Variants in TRIM38 observed in about 807,000 individuals in gnomAD.
TRIM38 encodes the protein tripartite motif containing 38.
TRIM38 carries 35 observed loss-of-function variants against 35.8 expected under a neutral mutation model. The observed-to-expected ratio is 0.98, with a 90% CI of 0.75 to 1.30. The LOEUF (loss-of-function observed/expected upper bound fraction) is 1.30, where lower values mean the gene tolerates loss of function less well. TRIM38 is among the 50% of genes most tolerant of loss of function. TRIM38 has a pLI of 0.00. For missense variants in TRIM38, 545 were observed against 556.9 expected (o/e 0.98, Z 0.21); for synonymous variants, 198 against 204.7 (o/e 0.97, Z 0.28).
chr6:25,973,517 G>A (rs1760303415), intron 7 of TRIM38: 1 of 983,774 alleles, frequency 1.0e-6, no homozygotes, highest in Non-Finnish European at 1.2e-6. Context: ...TCACTTATTA[G>A]CCATGTTACT....
In TRIM38 at chr6:25,966,874, G is replaced by A. The variant is rs1760074337; in HGVS notation, c.352G>A (p.Ala118Thr). 6 of 1,614,200 alleles carry A rather than the reference G, an allele frequency of 3.7e-6. No homozygotes were observed. Among genetic ancestry groups the A allele is most frequent in the Non-Finnish European group, 5.1e-6 (6 of 1,180,032 alleles). ...GCTCATCTGCTGGCGCTGTGAGCGG[G>A]CACCACAGCACAAAGGGCACACCAC... ...GQLICWRCER[A>T]PQHKGHTTAL... Residue 118 changes from alanine to threonine, a missense_variant, in exon 3 of 8, where the codon GCA (alanine) becomes ACA (threonine). By Grantham distance (58) the Ala-to-Thr change is moderately conservative. Coordinates refer to ENST00000357085, the MANE Select transcript of TRIM38 (RefSeq NM_006355.5).
intron 7 of TRIM38, 52 bp downstream of exon 7, chr6:25,973,337 A>G (rs1390258806): frequency 6.3e-7 from 1 of 1,585,560 alleles, no homozygotes. Flanking sequence ...GGCCTTATGC[A>G]GTAACCAAGT....
At chr6:25,971,526 CAACCATCACCATTCCCATCTCCA>C (rs1194002301) in intron 4 of TRIM38, among the ~76,000 whole-genome samples, 2 of 152,162 alleles carry the variant, frequency 1.3e-5, no homozygotes, top group Non-Finnish European at 2.9e-5. Flanking sequence ...CATTGTTGTG[CAACCATCACCATTCCCATCTCCA>C]AACTGCAACT....
In TRIM38 at chr6:25,968,040, TG is replaced by T. The variant is rs1760117684; in HGVS notation, c.411+1108del. Among the ~76,000 whole-genome samples, 4 of 152,198 alleles carry T rather than the reference TG, an allele frequency of 2.6e-5. No homozygotes were observed. In the South Asian group the frequency reaches 8.3e-4, roughly 31 times the overall value. On this transcript the variant is annotated intron_variant, in intron 3 of 7. Coordinates refer to ENST00000357085, the MANE Select transcript of TRIM38 (RefSeq NM_006355.5). ...AAGCATATTAAGGAAGGTGGGACTT[TG>T]CTGTTGGCAGCATGGAGGAATGGGC...
At position 25,966,842 on chromosome 6, in the gene TRIM38, AGGGGC is replaced by A; in HGVS notation, c.321_325del (p.Gly108AlafsTer7). The A allele has an allele frequency of 6.2e-7, 1 of 1,614,178 alleles. No homozygotes were observed. The highest frequency in any genetic ancestry group is 8.5e-7 in the Non-Finnish European group (1 of 1,180,022). On this transcript the variant is annotated frameshift_variant, in exon 3 of 8. Coordinates refer to ENST00000357085, the MANE Select transcript of TRIM38 (RefSeq NM_006355.5). LOFTEE classifies it high-confidence loss of function. Reference sequence around the variant, plus strand: ...CAGTTCCACCTGTTCTGCGAAGACGAGGGGCAGCTCATCTGCTGGCGCTGTGAGCG... The same window carrying A: ...CAGTTCCACCTGTTCTGCGAAGACGAAGCTCATCTGCTGGCGCTGTGAGCG...
In TRIM38 at chr6:25,966,663, A is replaced by T; in HGVS notation, c.141A>T (p.Pro47=). 5 of 1,614,168 alleles carry T rather than the reference A, an allele frequency of 3.1e-6. No homozygotes were observed. Among genetic ancestry groups the T allele is most frequent in the Non-Finnish European group, 4.2e-6 (5 of 1,180,032 alleles). Residue 47 remains proline, a synonymous_variant, in exon 3 of 8, where the codon CCA becomes CCT. Transcript: ENST00000357085. ...GTATAACAGACTTCTTTAAAAACCC[A>T]AGCCAAAAGCAACTGAGGCAGGAGA... ...HLCITDFFKN[P]SQKQLRQETF... is the part of the protein sequence containing the mutation.
chr6:25,978,504 C>T (rs1760459367), intron 7 of TRIM38, among the ~76,000 whole-genome samples: 1 of 151,580 alleles, frequency 6.6e-6, no homozygotes, highest in Admixed American at 6.6e-5. Flanking sequence ...ATATTGATTA[C>T]TGTGTGTATA....
chr6:25,970,353 T>C (rs912878994), intron 4 of TRIM38, among the ~76,000 whole-genome samples: 4 of 152,240 alleles, frequency 2.6e-5, no homozygotes, highest in Admixed American at 2.0e-4. Flanking sequence ...TTTAGGTTTG[T>C]GCAAAAGTAA....
At chr6:25,963,455 G>T (rs1759914998) in intron 2 of TRIM38, among the ~76,000 whole-genome samples, 173 bp downstream of exon 2, 1 of 151,968 alleles carries the variant, frequency 6.6e-6, no homozygotes, top group South Asian at 2.1e-4. Flanking sequence ...AGGCTTTTTC[G>T]CTCCTGGTCA....
rs754447717 is a variant in TRIM38 at position 25,969,324 on chromosome 6, G to A, written c.412-1G>A. On this transcript the variant is annotated splice_acceptor_variant, in intron 3 of 7. Coordinates refer to ENST00000357085, the MANE Select transcript of TRIM38 (RefSeq NM_006355.5). LOFTEE classifies it high-confidence loss of function. ...CTTCACTTATCAAATTTTTCCTTCA[G>A]GAAAAGCTCCAGAAAGCTGTGACAA... 33 of 1,611,572 alleles carry A rather than the reference G, an allele frequency of 2.0e-5. No individual in the cohort carries two copies. The South Asian group carries it at 3.5e-4, about 17-fold the overall frequency.
At chr6:25,963,391 G>C (rs373224755) in intron 2 of TRIM38, 109 bp downstream of exon 2, 6 of 146,564 alleles carry the variant, frequency 4.1e-5, no homozygotes, top group African/African-American at 7.5e-5. Flanking sequence ...GGGGGCGGGC[G>C]GGGGGGAGGG....
chr6:25,983,674 C>T lies in TRIM38; in HGVS notation c.1385C>T (p.Pro462Leu). The change falls in exon 8 of 8, where the codon CCC becomes CTC. Residue 462 changes from proline (P) to leucine (L), a missense_variant. Coordinates refer to ENST00000357085, the MANE Select transcript of TRIM38 (RefSeq NM_006355.5). ...CAATATTCTCCTTTGTTTCTGCCTC[C>T]CCCAGGTGACTAAGGAAAAGAGCAG... The part of the protein sequence containing the change: ...VYQYSPLFLP[P>L]PGD The T allele has an allele frequency of 6.3e-7, 1 of 1,582,778 alleles. No homozygotes were observed. The highest frequency in any genetic ancestry group is 8.6e-7 in the Non-Finnish European group (1 of 1,167,080).
At chr6:25,964,396 G>A (rs545811827) in intron 2 of TRIM38, among the ~76,000 whole-genome samples, 1 of 152,250 alleles carries the variant, frequency 6.6e-6, no homozygotes, top group East Asian at 1.9e-4. Flanking sequence ...ATGATTACTA[G>A]GGAGAATAAA....
chr6:25,983,824 TA>T lies in TRIM38; in HGVS notation c.*139del. 1 of 777,548 alleles carries T rather than the reference TA, an allele frequency of 1.3e-6. No individual in the cohort carries two copies. The highest frequency in any genetic ancestry group is 2.0e-6 in the Non-Finnish European group (1 of 508,008). The allele number at this position is 777,548 out of a possible 1,614,324, so 48.2% of individuals were successfully genotyped here. ...TAGTGCTGAGATTTTAGTGGATATA[TA>T]ATTGATTTATGTTGAATATATGGAC... On this transcript the variant is annotated 3_prime_UTR_variant, in exon 8 of 8. Coordinates refer to ENST00000357085, the MANE Select transcript of TRIM38 (RefSeq NM_006355.5).
chr6:25,979,816 G>T (rs1760496338), intron 7 of TRIM38, among the ~76,000 whole-genome samples: 1 of 151,714 alleles, frequency 6.6e-6, no homozygotes, highest in South Asian at 2.1e-4. Flanking sequence ...ATTTTTCTAA[G>T]ATAAGCATTT....
intron 4 of TRIM38, among the ~76,000 whole-genome samples, chr6:25,971,413 A>ATT (rs1239659937): frequency 6.6e-6 from 1 of 152,040 alleles, no homozygotes; most frequent in Non-Finnish European, 1.5e-5. Context: ...CCAGTGGCTG[A>ATT]TTGTGTGTGT....
rs1254792103 is a variant in TRIM38 at position 25,989,507 on chromosome 6, A to ATTTTTTTTTTTTTTTTTTTT, written c.*5822_*5823insTTTTTTTTTTTTTTTTTTTT. The ATTTTTTTTTTTTTTTTTTTT allele has an allele frequency of 9.1e-6, 1 of 109,938 alleles. No individual in the cohort carries two copies. The highest frequency in any genetic ancestry group is 1.9e-5 in the Non-Finnish European group (1 of 52,510). The allele number at this position is 109,938 out of a possible 1,614,324, so 6.8% of individuals were successfully genotyped here. A position where few individuals can be genotyped will look rare whatever the true frequency, so the allele number is the denominator to read the frequency against. ...TTTGCTATTGTTAGCAAGGTCTTGT[A>ATTTTTTTTTTTTTTTTTTTT]TTCTTTTTTTTTTTTTTTTTTTTTT... On this transcript the variant is annotated 3_prime_UTR_variant, in exon 8 of 8. Transcript: ENST00000357085.
intron 2 of TRIM38, among the ~76,000 whole-genome samples, chr6:25,963,929 A>C (rs9393679): frequency 1.0e-5 from 1 of 98,742 alleles, no homozygotes; most frequent in Non-Finnish European, 2.4e-5. Context: ...ACAACAACAA[A>C]AACACAAACA....
rs1233666974 is a variant in TRIM38, at chr6:25,989,873, AT to A, written c.*6192del. 2 of 152,056 alleles carry A rather than the reference AT, an allele frequency of 1.3e-5. No individual in the cohort carries two copies. The highest frequency in any genetic ancestry group is 2.9e-5 in the Non-Finnish European group (2 of 68,008). The allele number at this position is 152,056 out of a possible 1,614,324, so 9.4% of individuals were successfully genotyped here. A position where few individuals can be genotyped will look rare whatever the true frequency, so the allele number is the denominator to read the frequency against. ...GCTTAGATACTATTAGATAGTCAATATTTTTTGTTGGATATTTGATTTTTAT... is the reference window on the plus strand; with the variant it reads ...GCTTAGATACTATTAGATAGTCAATATTTTTGTTGGATATTTGATTTTTAT... On this transcript the variant is annotated 3_prime_UTR_variant, in exon 8 of 8. Transcript: ENST00000357085.
Sources: allele counts gnomAD v4.1 joint callset (sites outside exome capture counted in the v4.1 genomes callset), GRCh38; gene constraint gnomAD v4.1.1; transcripts MANE v1.5; gene names NCBI Gene and HGNC (gene_info 2026-07-23, HGNC 2026-07-21).